Variants in RBPJ observed in about 807,000 individuals in gnomAD.
RBPJ encodes recombination signal binding protein for immunoglobulin kappa J region.
RBPJ carries 9 observed loss-of-function variants against 67.8 expected under a neutral mutation model. The observed-to-expected ratio is 0.13, with a 90% CI of 0.08 to 0.23. The LOEUF (loss-of-function observed/expected upper bound fraction) is 0.23. Among genes scored for constraint, RBPJ ranks in the 10% least tolerant of loss-of-function variants. The pLI, the probability that RBPJ is intolerant of heterozygous loss-of-function variation, is 1.00. For synonymous variants in RBPJ, 198 were observed against 203.3 expected, an observed-to-expected ratio of 0.97 and a Z score of 0.22; for missense variants, 305 against 595.6, an observed-to-expected ratio of 0.51 and a Z score of 5.08.
the RBPJ span, among the ~76,000 whole-genome samples, chr4:26,156,321 T>G: frequency 6.6e-6 from 1 of 152,128 alleles, no homozygotes; most frequent in Non-Finnish European, 1.5e-5. Flanking sequence ...AGGCTAAGGA[T>G]TTATCCAGGC....
chr4:26,417,485 C>A (rs1242836719), intron 4 of RBPJ, among the ~76,000 whole-genome samples: 1 of 152,062 alleles, frequency 6.6e-6, no homozygotes, highest in African/African-American at 2.4e-5. Context: ...GAGCATTTAA[C>A]TAGTATTTAA....
rs1214895320 is a variant in RBPJ at position 26,215,276 on chromosome 4, A to AGAGG, written c.-167+51662_-167+51663insGAGG. Among the ~76,000 whole-genome samples, 2 of 63,216 alleles carry AGAGG rather than the reference A, an allele frequency of 3.2e-5. 1 individual carries two copies. The highest frequency in any genetic ancestry group is 5.5e-5 in the Non-Finnish European group (2 of 36,264). The allele number at this position is 63,216 out of a possible 152,430, so 41.5% of individuals were successfully genotyped here. On this transcript the variant is annotated intron_variant, in intron 1 of 4. Transcript: ENST00000512351. ...GAAAGAAAGGAAGGGAGGGAGGAAA[A>AGAGG]AGAGAGAGAAAGAAAGAGAAAAAGA...
intron 1 of RBPJ, among the ~76,000 whole-genome samples, chr4:26,281,808 C>T (rs1721281988): frequency 6.6e-6 from 1 of 152,194 alleles, no homozygotes; most frequent in Non-Finnish European, 1.5e-5. Flanking sequence ...ATAATCACAG[C>T]CACTGGAGTT....
intron 2 of RBPJ, among the ~76,000 whole-genome samples, chr4:26,398,577 C>T (rs1298548795): frequency 6.6e-6 from 1 of 152,182 alleles, no homozygotes; most frequent in Non-Finnish European, 1.5e-5. Context: ...TTGAGCCAAT[C>T]TCACCCCACC....
intron 1 of RBPJ, among the ~76,000 whole-genome samples, chr4:26,191,311 A>AT (rs921557186): frequency 2.8e-5 from 4 of 144,770 alleles, no homozygotes; most frequent in Admixed American, 1.4e-4. Context: ...TGATTTTTTG[A>AT]TTTTTTTATA....
At chr4:26,397,443 G>T (rs949089833) in intron 2 of RBPJ, among the ~76,000 whole-genome samples, 27 of 152,274 alleles carry the variant, frequency 1.8e-4, no homozygotes, top group African/African-American at 6.5e-4. Flanking sequence ...TTGATTGAAT[G>T]TCAGCCGTGC....
At chr4:26,250,296 A>C (rs1487489719) in intron 1 of RBPJ, among the ~76,000 whole-genome samples, 1 of 149,724 alleles carries the variant, frequency 6.7e-6, no homozygotes, top group Non-Finnish European at 1.5e-5. Flanking sequence ...TTCAAGGCTC[A>C]TACATGTTGT....
chr4:26,319,620 G>A (rs555619719), upstream of RBPJ: 27 of 588,236 alleles, frequency 4.6e-5, no homozygotes, highest in East Asian at 6.5e-4. Flanking sequence ...TTCTCGCGAG[G>A]TTTAGGAAAT....
chr4:26,231,380 C>CT (rs949194729), intron 1 of RBPJ, among the ~76,000 whole-genome samples: 19 of 149,560 alleles, frequency 1.3e-4, no homozygotes, highest in East Asian at 3.9e-4. Flanking sequence ...GTACCTAATA[C>CT]TTTTTTTTTA....
chr4:26,354,121 C>T (rs1409769966), intron 1 of RBPJ, among the ~76,000 whole-genome samples: 1 of 150,854 alleles, frequency 6.6e-6, no homozygotes, highest in Non-Finnish European at 1.5e-5. Context: ...TTAGTAGAGA[C>T]GGGGTTTCAC....
chr4:26,120,316 C>A, the RBPJ span, among the ~76,000 whole-genome samples: 2 of 152,080 alleles, frequency 1.3e-5, no homozygotes, highest in Non-Finnish European at 2.9e-5. Flanking sequence ...CTGATGTTGA[C>A]TTTCTGTGCT....
intron 1 of RBPJ, among the ~76,000 whole-genome samples, chr4:26,341,997 T>G (rs560844883): frequency 6.6e-6 from 1 of 152,278 alleles, no homozygotes; most frequent in East Asian, 1.9e-4. Flanking sequence ...AAAGCAGAGT[T>G]CTCACAGTGG....
chr4:26,308,262 C>A (rs1474057695), intron 1 of RBPJ, among the ~76,000 whole-genome samples: 3 of 149,344 alleles, frequency 2.0e-5, no homozygotes. Context: ...GGTGACAGAG[C>A]AAGACTCCAT....
the RBPJ span, among the ~76,000 whole-genome samples, chr4:26,120,413 A>G: frequency 6.6e-6 from 1 of 152,224 alleles, no homozygotes; most frequent in East Asian, 1.9e-4. Context: ...AGAGCCTTCT[A>G]TAGAACACCC....
rs149551012 is a variant in RBPJ, at chr4:26,174,713, G to A, written c.-167+11099G>A. Among the ~76,000 whole-genome samples, 725 of 152,126 alleles carry A rather than the reference G, an allele frequency of 4.8e-3. 4 individuals carry two copies. Among genetic ancestry groups the A allele is most frequent in the African/African-American group, 0.016 (678 of 41,504 alleles). On this transcript the variant is annotated intron_variant, in intron 1 of 4. Transcript: ENST00000512351. ...TCGAACTCCTGACCTCAGGTGATCC[G>A]CCCAACTTGGCCTCCCAAAGTGCTA...
At chr4:26,282,234 T>C (rs1721300033) in intron 1 of RBPJ, among the ~76,000 whole-genome samples, 1 of 142,198 alleles carries the variant, frequency 7.0e-6, no homozygotes, top group African/African-American at 2.7e-5. Context: ...CCAAGCAAAA[T>C]AAATCCTTGA....
intron 1 of RBPJ, among the ~76,000 whole-genome samples, chr4:26,323,907 A>C (rs1417501880): frequency 1.3e-5 from 2 of 152,184 alleles, no homozygotes; most frequent in Non-Finnish European, 2.9e-5. Context: ...CTTGGCTTTA[A>C]AGCATTATTT....
chr4:26,359,749 C>G (rs1727842222), intron 1 of RBPJ: 2 of 152,246 alleles, frequency 1.3e-5, no homozygotes, highest in African/African-American at 4.8e-5. Flanking sequence ...TGCCGCGAAG[C>G]GAGCTGGAGC....
At chr4:26,131,295 A>G in the RBPJ span, among the ~76,000 whole-genome samples, 1 of 152,204 alleles carries the variant, frequency 6.6e-6, no homozygotes, top group Non-Finnish European at 1.5e-5. Context: ...ATCCCTATGC[A>G]GTCACATCCC....
Sources: allele counts gnomAD v4.1 joint callset (sites outside exome capture counted in the v4.1 genomes callset), GRCh38; gene constraint gnomAD v4.1.1; transcripts MANE v1.5; gene names NCBI Gene and HGNC (gene_info 2026-07-23, HGNC 2026-07-21).